NAALADL2: variants seen among roughly 807,000 people sequenced by gnomAD.
NAALADL2 encodes the protein inactive N-acetylated-alpha-linked acidic dipeptidase-like protein 2.
NAALADL2 carries 76 observed loss-of-function variants against 87.2 expected under a neutral mutation model. The ratio of observed to expected loss-of-function variants is 0.87; its 90% confidence interval spans 0.72 to 1.05. The LOEUF (loss-of-function observed/expected upper bound fraction) is 1.05. Among genes scored for constraint, NAALADL2 ranks in the 50% least tolerant of loss-of-function variants. The pLI is 0.00. For missense variants in NAALADL2, 1,089 were observed against 945.8 expected (o/e 1.15, Z -1.99); for synonymous variants, 354 against 331.0 (o/e 1.07, Z -0.75).
intron 2 of NAALADL2, among the ~76,000 whole-genome samples, chr3:174,609,934 C>T (rs1012824480): frequency 1.3e-5 from 2 of 152,024 alleles, no homozygotes; most frequent in Non-Finnish European, 2.9e-5. Flanking sequence ...CTACAGTAAC[C>T]AAAACAGCAT....
intron 4 of NAALADL2, among the ~76,000 whole-genome samples, chr3:175,284,896 A>G (rs1754792348): frequency 6.6e-6 from 1 of 152,010 alleles, no homozygotes; most frequent in Non-Finnish European, 1.5e-5. Flanking sequence ...CTGCCAGTCT[A>G]ACTCCAAGAT....
intron 4 of NAALADL2, among the ~76,000 whole-genome samples, chr3:175,268,195 G>A (rs1043778719): frequency 3.3e-5 from 5 of 152,104 alleles, no homozygotes; most frequent in Admixed American, 3.3e-4. Context: ...TGCGTATCTA[G>A]TCTATAAGGT....
At chr3:175,048,034 T>C (rs1292128245) in intron 1 of NAALADL2, among the ~76,000 whole-genome samples, 2 of 152,222 alleles carry the variant, frequency 1.3e-5, no homozygotes, top group East Asian at 3.9e-4. Flanking sequence ...ACCTTTAGAA[T>C]ATTCTTCCAA....
chr3:175,724,571 C>T (rs1742684978), intron 11 of NAALADL2, among the ~76,000 whole-genome samples: 1 of 151,948 alleles, frequency 6.6e-6, no homozygotes, highest in Non-Finnish European at 1.5e-5. Context: ...GCATTTAGAG[C>T]CAAGAAAGAA....
At chr3:175,160,955 T>C (rs1044472016) in intron 2 of NAALADL2, among the ~76,000 whole-genome samples, 2 of 152,128 alleles carry the variant, frequency 1.3e-5, no homozygotes, top group Non-Finnish European at 2.9e-5. Flanking sequence ...AAAATGATTA[T>C]AATAAAACAA....
intron 1 of NAALADL2, among the ~76,000 whole-genome samples, chr3:174,445,311 C>T (rs80044050): frequency 6.6e-6 from 1 of 151,952 alleles, no homozygotes. Context: ...GTATAATGAA[C>T]CCCAGTATAT....
chr3:174,938,263 G>A (rs1232013104), intron 1 of NAALADL2, among the ~76,000 whole-genome samples: 1 of 151,966 alleles, frequency 6.6e-6, no homozygotes, highest in Non-Finnish European at 1.5e-5. Context: ...ATGTATAAGT[G>A]AAAACATGTG....
At chr3:175,305,799 G>A (rs1319447559) in intron 4 of NAALADL2, among the ~76,000 whole-genome samples, 1 of 152,130 alleles carries the variant, frequency 6.6e-6, no homozygotes, top group African/African-American at 2.4e-5. Flanking sequence ...TGGGATTACA[G>A]GCGTGAGCCA....
chr3:175,541,225 GT>G (rs1218283254), intron 9 of NAALADL2, among the ~76,000 whole-genome samples: 1 of 152,160 alleles, frequency 6.6e-6, no homozygotes, highest in Non-Finnish European at 1.5e-5. Flanking sequence ...AGCCAAATCT[GT>G]TTTTAACTGA....
At chr3:175,231,145 G>A (rs1189289692) in intron 2 of NAALADL2, among the ~76,000 whole-genome samples, 2 of 151,866 alleles carry the variant, frequency 1.3e-5, no homozygotes, top group African/African-American at 2.4e-5. Context: ...TAAAGAAATT[G>A]TTAAAGAGAT....
chr3:174,942,545 G>A (rs1207992834), intron 1 of NAALADL2, among the ~76,000 whole-genome samples: 1 of 152,102 alleles, frequency 6.6e-6, no homozygotes, highest in Non-Finnish European at 1.5e-5. Flanking sequence ...TCTTGCAGGA[G>A]TTTTCTGTGT....
chr3:175,455,010 C>G (rs1415702433), intron 6 of NAALADL2, among the ~76,000 whole-genome samples: 1 of 152,042 alleles, frequency 6.6e-6, no homozygotes, highest in Non-Finnish European at 1.5e-5. Flanking sequence ...GCCTCTAAAC[C>G]AGGTCTAGTA....
At chr3:175,643,855 C>T (rs1219633683) in intron 11 of NAALADL2, among the ~76,000 whole-genome samples, 1 of 152,152 alleles carries the variant, frequency 6.6e-6, no homozygotes, top group Non-Finnish European at 1.5e-5. Flanking sequence ...ACACAGGCGG[C>T]CTCTAATGCT....
chr3:174,573,293 G>C (rs1486597757), intron 2 of NAALADL2, among the ~76,000 whole-genome samples: 2 of 151,906 alleles, frequency 1.3e-5, no homozygotes, highest in African/African-American at 4.8e-5. Context: ...TTAGAGATAT[G>C]GTCTTACTCT....
At chr3:174,902,137 C>G (rs1191982454) in intron 1 of NAALADL2, among the ~76,000 whole-genome samples, 1 of 152,100 alleles carries the variant, frequency 6.6e-6, no homozygotes, top group Non-Finnish European at 1.5e-5. Flanking sequence ...GTGGACCACT[C>G]TTTGTGTAGC....
At chr3:174,519,627 G>C (rs1043113832) in intron 1 of NAALADL2, among the ~76,000 whole-genome samples, 3 of 151,766 alleles carry the variant, frequency 2.0e-5, no homozygotes, top group Non-Finnish European at 4.4e-5. Flanking sequence ...CACTACGCCT[G>C]GCCAGGGTTT....
At chr3:175,005,296 T>G (rs777866987) in intron 1 of NAALADL2, among the ~76,000 whole-genome samples, 1 of 152,212 alleles carries the variant, frequency 6.6e-6, no homozygotes, top group Admixed American at 6.5e-5. Context: ...AAGCCAGGAA[T>G]ATAAATGACA....
chr3:175,399,703 C>T (rs1770304515), intron 5 of NAALADL2, among the ~76,000 whole-genome samples: 3 of 152,048 alleles, frequency 2.0e-5, no homozygotes, highest in Middle Eastern at 3.4e-3. Context: ...GTCTTTATGA[C>T]CTGTATCTTT....
intron 2 of NAALADL2, among the ~76,000 whole-genome samples, chr3:174,643,783 ATTG>A (rs1723497901): frequency 6.6e-6 from 1 of 152,214 alleles, no homozygotes; most frequent in African/African-American, 2.4e-5. Context: ...GCAATATCAT[ATTG>A]TTATTTACAT....
Sources: allele counts gnomAD v4.1 joint callset (sites outside exome capture counted in the v4.1 genomes callset), GRCh38; gene constraint gnomAD v4.1.1; transcripts MANE v1.5; gene names NCBI Gene and HGNC (gene_info 2026-07-23, HGNC 2026-07-21).